ONECUT1: variants seen among roughly 807,000 people sequenced by gnomAD.
ONECUT1 encodes the protein one cut homeobox 1.
A neutral mutation model predicts 25.6 loss-of-function variants in ONECUT1; 12 were observed. That is an observed-to-expected ratio of 0.47 (90% CI 0.30 to 0.76). The LOEUF (loss-of-function observed/expected upper bound fraction) is 0.76. ONECUT1 is among the 30% of genes least tolerant of loss of function. The pLI is 0.07. For missense variants in ONECUT1, 620 were observed against 651.2 expected, an observed-to-expected ratio of 0.95 and a Z score of 0.52; for synonymous variants, 285 against 270.2, an observed-to-expected ratio of 1.05 and a Z score of -0.54.
chr15:52,779,900 C>T (rs143166461), intron 1 of ONECUT1, among the ~76,000 whole-genome samples: 1 of 152,278 alleles, frequency 6.6e-6, no homozygotes, highest in African/African-American at 2.4e-5. Flanking sequence ...AAGTCTAGGG[C>T]AGAGGCATCT....
At position 52,767,179 on chromosome 15, in the gene ONECUT1, C is replaced by G. The variant is rs115564423; in HGVS notation, c.1106-9332G>C. ...ATGGTACAGCTGGGATTTGAGCCAG[C>G]ACAGGGCCCCATGACAGCACTGGAG... On this transcript the variant is annotated intron_variant, in intron 1 of 1. Coordinates refer to ENST00000305901, the MANE Select transcript of ONECUT1 (RefSeq NM_004498.4). Among the ~76,000 whole-genome samples, 136 of 152,276 alleles carry G rather than the reference C, an allele frequency of 8.9e-4. 2 individuals are homozygous for G. The highest frequency in any genetic ancestry group is 3.2e-3 in the African/African-American group (135 of 41,556).
At chr15:52,765,548 C>G (rs1202851061) in intron 1 of ONECUT1, among the ~76,000 whole-genome samples, 1 of 149,298 alleles carries the variant, frequency 6.7e-6, no homozygotes, top group African/African-American at 2.5e-5. Flanking sequence ...TGAGCGAGCA[C>G]ACAAATAAAC....
At chr15:52,783,944 C>A (rs1158853505) in intron 1 of ONECUT1, among the ~76,000 whole-genome samples, 1 of 152,268 alleles carries the variant, frequency 6.6e-6, no homozygotes, top group African/African-American at 2.4e-5. Flanking sequence ...CTCCTTCACA[C>A]TTTCTTCCTA....
intron 1 of ONECUT1, among the ~76,000 whole-genome samples, chr15:52,775,547 G>A (rs959332655): frequency 6.6e-6 from 1 of 151,762 alleles, no homozygotes. Flanking sequence ...GGTAACAGGG[G>A]TTTCTTCTAA....
intron 1 of ONECUT1, among the ~76,000 whole-genome samples, chr15:52,760,950 G>C (rs1021554359): frequency 6.6e-6 from 1 of 151,558 alleles, no homozygotes; most frequent in East Asian, 1.9e-4. Flanking sequence ...TGTTCCTCCA[G>C]CTGCTGGAAG....
Position 52,787,349 on chromosome 15 carries a change from G to A in ONECUT1, c.1105+1431C>T, listed in dbSNP as rs146512195. 8.4e-3 allele frequency among the ~76,000 whole-genome samples: 1,273 copies of A among 152,126 alleles called. 22 individuals are homozygous for A. The highest frequency in any genetic ancestry group is 0.028 in the African/African-American group (1,144 of 41,498). ...AGCGCCCAAACCCAAAGAACGCTTT[G>A]GGTCGCTTCGGGGCACGAATCGCAG... On this transcript the variant is annotated intron_variant, in intron 1 of 1. Coordinates refer to ENST00000305901, the MANE Select transcript of ONECUT1 (RefSeq NM_004498.4).
In ONECUT1 at chr15:52,759,414, C is replaced by A. The variant is rs1414658919; in HGVS notation, c.1106-1567G>T. 2.0e-5 allele frequency among the ~76,000 whole-genome samples: 3 copies of A among 152,168 alleles called. 1 individual carries two copies. Among genetic ancestry groups the A allele is most frequent in the South Asian group, 4.1e-4 (2 of 4,828 alleles). ...GCTCAGCAACAGATCAGCTGCAGAG[C>A]TCATAGGATGAAAGCTGGAGAGGCC... On this transcript the variant is annotated intron_variant, in intron 1 of 1. Transcript: ENST00000305901.
intron 1 of ONECUT1, among the ~76,000 whole-genome samples, chr15:52,777,210 A>G (rs1039378877): frequency 6.6e-6 from 1 of 152,224 alleles, no homozygotes; most frequent in African/African-American, 2.4e-5. Flanking sequence ...TAAGCTACAG[A>G]GCTATAGGTT....
intron 1 of ONECUT1, among the ~76,000 whole-genome samples, chr15:52,783,969 G>A (rs2083857680): frequency 1.3e-5 from 2 of 152,210 alleles, no homozygotes; most frequent in South Asian, 4.1e-4. Flanking sequence ...AATAGTTATT[G>A]TTTTGAAATT....
intron 1 of ONECUT1, chr15:52,786,035 G>T (rs1386639804): frequency 6.6e-6 from 1 of 152,220 alleles, no homozygotes; most frequent in Non-Finnish European, 1.5e-5. Flanking sequence ...CGAGACTGGG[G>T]AGGGTCTCTG....
At chr15:52,776,483 C>T (rs181194608) in intron 1 of ONECUT1, among the ~76,000 whole-genome samples, 13 of 152,338 alleles carry the variant, frequency 8.5e-5, no homozygotes, top group African/African-American at 2.9e-4. Context: ...GAATCTATTG[C>T]CACTTCTAGC....
intron 1 of ONECUT1, among the ~76,000 whole-genome samples, chr15:52,778,106 C>T (rs191826195): frequency 1.4e-3 from 218 of 152,214 alleles, no homozygotes; most frequent in Non-Finnish European, 2.4e-3. Flanking sequence ...TAATCACTGC[C>T]TACCAAACAA....
intron 1 of ONECUT1, chr15:52,785,978 C>A (rs1393191155): frequency 6.6e-6 from 1 of 152,184 alleles, no homozygotes; most frequent in Non-Finnish European, 1.5e-5. Flanking sequence ...CGCTGCGGAG[C>A]GAAGGAACCG....
In ONECUT1 at chr15:52,784,334, G is replaced by T. The variant is rs981184485; in HGVS notation, c.1105+4446C>A. Among the ~76,000 whole-genome samples, 10 of 152,208 alleles carry T rather than the reference G, an allele frequency of 6.6e-5. No individual in the cohort carries two copies. The highest frequency in any genetic ancestry group is 1.2e-4 in the Non-Finnish European group (8 of 68,046). On this transcript the variant is annotated intron_variant, in intron 1 of 1. Coordinates refer to ENST00000305901, the MANE Select transcript of ONECUT1 (RefSeq NM_004498.4). This position sits in a 1 kb window ranked among gnomAD's most constrained non-coding sequence, Gnocchi z 5.0. ...CGCTGTGCCCTGGGTCAGGCTGGTCGCCCCAGCTACCGGGATCCCTCTCCG... is the reference window on the plus strand; with the variant it reads ...CGCTGTGCCCTGGGTCAGGCTGGTCTCCCCAGCTACCGGGATCCCTCTCCG...
intron 1 of ONECUT1, among the ~76,000 whole-genome samples, chr15:52,761,258 T>C (rs1045965581): frequency 6.6e-5 from 10 of 152,164 alleles, no homozygotes; most frequent in African/African-American, 2.4e-4. Flanking sequence ...CAGTCTTACT[T>C]CCTTCACCAC....
rs866368632 is a variant in ONECUT1 at position 52,789,956 on chromosome 15, G to A, written c.-72C>T. 1.6e-5 allele frequency: 24 copies of A among 1,459,276 alleles called. No individual in the cohort carries two copies. The Middle Eastern group carries it at 2.4e-3, about 145-fold the overall frequency. The allele number at this position is 1,459,276 out of a possible 1,614,324, so 90.4% of individuals were successfully genotyped here. On this transcript the variant is annotated 5_prime_UTR_variant, in exon 1 of 2. Coordinates refer to ENST00000305901, the MANE Select transcript of ONECUT1 (RefSeq NM_004498.4). This position sits in a 1 kb window ranked among gnomAD's most constrained non-coding sequence, Gnocchi z 4.1. The stretch of plus-strand genomic sequence containing the variant: ...GCAGAGGCGGCGAGGGGCGCACGGA[G>A]TCCGGTCTTCACATCGGCTGCTGGC...
chr15:52,767,971 C>T (rs997232115), intron 1 of ONECUT1, among the ~76,000 whole-genome samples: 1 of 151,988 alleles, frequency 6.6e-6, no homozygotes, highest in Non-Finnish European at 1.5e-5. Context: ...CTCACTCACG[C>T]GTAGGATCTA....
chr15:52,779,238 C>G (rs1209350335), intron 1 of ONECUT1, among the ~76,000 whole-genome samples: 1 of 151,942 alleles, frequency 6.6e-6, no homozygotes, highest in African/African-American at 2.4e-5. Context: ...TGCAGGCCAC[C>G]ACACCCGGCT....
rs1195851131 is a variant in ONECUT1 at position 52,788,717 on chromosome 15, C to A, written c.1105+63G>T. 7 of 1,534,648 alleles carry A rather than the reference C, an allele frequency of 4.6e-6. No individual in the cohort carries two copies. Among genetic ancestry groups the A allele is most frequent in the African/African-American group, 2.7e-5 (2 of 73,678 alleles). ...CCAGCCCTCTCTCCTACCCTTCCTC[C>A]TTTGGTCCCTTCGGCTTTCGTGTAC... On this transcript the variant is annotated intron_variant, in intron 1 of 1. Coordinates refer to ENST00000305901, the MANE Select transcript of ONECUT1 (RefSeq NM_004498.4). The surrounding 1 kb of genome is among the most constrained non-coding windows in gnomAD (Gnocchi z 4.3).
Sources: allele counts gnomAD v4.1 joint callset (sites outside exome capture counted in the v4.1 genomes callset), GRCh38; gene constraint gnomAD v4.1.1; non-coding constraint Gnocchi (gnomAD v3.1); transcripts MANE v1.5; gene names NCBI Gene and HGNC (gene_info 2026-07-23, HGNC 2026-07-21).